FAM83F: variants seen among roughly 807,000 people sequenced by gnomAD.
FAM83F encodes the protein protein FAM83F.
A neutral mutation model predicts 42.9 loss-of-function variants in FAM83F; 45 were observed. The observed-to-expected ratio is 1.05, with a 90% confidence interval of 0.83 to 1.35. FAM83F has a LOEUF of 1.35. Among genes scored for constraint, FAM83F ranks in the 40% most tolerant of loss-of-function variants. The probability of loss-of-function intolerance (pLI) is 0.00; values close to 1 mark genes in which losing one functional copy is unlikely to be tolerated. For synonymous variants in FAM83F, 306 were observed against 298.3 expected, an observed-to-expected ratio of 1.03 and a Z score of -0.27; for missense variants, 617 against 695.9, an observed-to-expected ratio of 0.89 and a Z score of 1.28.
Position 40,021,566 on chromosome 22 carries a change from C to G in FAM83F, c.1056C>G (p.Gly352=), listed in dbSNP as rs763939183. The stretch of plus-strand genomic sequence containing the variant: ...CTGCCCGGCAACAGCGGGAGGCGGG[C>G]GGCAACCCGGAGGGGCAGGAGGAGG... The part of the protein sequence containing the change: ...RWAARQQREA[G]GNPEGQEEGA... The change falls in exon 4 of 5, where the codon GGC becomes GGG. Residue 352 remains glycine, a synonymous_variant. Coordinates refer to ENST00000333407, the MANE Select transcript of FAM83F (RefSeq NM_138435.4). This position sits in a 1 kb window ranked among gnomAD's most constrained non-coding sequence, Gnocchi z 8.7. The G allele has an allele frequency of 6.4e-7, 1 of 1,562,478 alleles. No individual in the cohort carries two copies. The highest frequency in any genetic ancestry group is 1.8e-5 in the Admixed American group (1 of 55,486).
rs770351704 is a variant in FAM83F at position 39,995,246 on chromosome 22, G to A, written c.204G>A (p.Arg68=). The part of the protein sequence containing the change: ...FLSSPERQAL[R]AAWSPYEDAV... ...CCAGCCCGGAGCGCCAGGCCCTGCG[G>A]GCCGCCTGGAGCCCCTACGAGGACG... is the stretch of plus-strand genomic sequence containing the variant. The change falls in exon 1 of 5, where the codon CGG becomes CGA. Residue 68 remains arginine, a synonymous_variant. Coordinates refer to ENST00000333407, the MANE Select transcript of FAM83F (RefSeq NM_138435.4). This position sits in a 1 kb window ranked among gnomAD's most constrained non-coding sequence, Gnocchi z 4.6. 1.3e-6 allele frequency: 2 copies of A among 1,534,558 alleles called. No individual in the cohort carries two copies. The highest frequency in any genetic ancestry group is 2.4e-5 in the South Asian group (2 of 83,858).
rs1422306105 is a variant in FAM83F, at chr22:40,035,587, T to G, written c.*6022T>G. 6.6e-6 allele frequency: 1 copy of G among 152,208 alleles called. No homozygotes were observed. The highest frequency in any genetic ancestry group is 1.5e-5 in the Non-Finnish European group (1 of 68,080). 9.4% of individuals were successfully genotyped at this position (152,208 alleles called of 1,614,324 possible). Reference sequence around the variant, plus strand: ...ATGGTGAGCGAGGAAGGCATGGTATTGAAGTGGTATGCCTGCATGACCTTG... The same window carrying G: ...ATGGTGAGCGAGGAAGGCATGGTATGGAAGTGGTATGCCTGCATGACCTTG... On this transcript the variant is annotated 3_prime_UTR_variant, in exon 5 of 5. Transcript: ENST00000333407.
intron 1 of FAM83F, among the ~76,000 whole-genome samples, chr22:40,016,102 T>C (rs915267407): frequency 1.3e-5 from 2 of 152,052 alleles, no homozygotes; most frequent in Admixed American, 6.6e-5. Flanking sequence ...AAGGATGAAA[T>C]CAGGAGAGGG....
rs956863125 is a variant in FAM83F at position 40,029,427 on chromosome 22, T to A, written c.1454-89T>A. 10 of 1,503,242 alleles carry A rather than the reference T, an allele frequency of 6.7e-6. No individual in the cohort carries two copies. In the African/African-American group the frequency reaches 1.4e-4, roughly 21 times the overall value. 93.1% of individuals were successfully genotyped at this position (1,503,242 alleles called of 1,614,324 possible). A position where few individuals can be genotyped will look rare whatever the true frequency, so the allele number is the denominator to read the frequency against. On this transcript the variant is annotated intron_variant, in intron 4 of 4. Transcript: ENST00000333407. The stretch of plus-strand genomic sequence containing the variant: ...GTGACCCCAGCCCCTCAACTGGAGA[T>A]GTGGACAGCACACAGGGTAGGAACT...
rs8137879 is a variant in FAM83F at position 39,999,360 on chromosome 22, C to T, written c.489+3829C>T. Among the ~76,000 whole-genome samples the T allele has an allele frequency of 3.9e-3, 595 of 152,208 alleles. 4 individuals carry two copies. The highest frequency in any genetic ancestry group is 0.014 in the African/African-American group (563 of 41,530). ...GGCATCCAATTTTGAGGCTGCTGGG[C>T]GGATTTAGAGAACGTTGCCTTGTGC... On this transcript the variant is annotated intron_variant, in intron 1 of 4. Transcript: ENST00000333407.
chr22:39,997,235 G>A (rs1180486907), intron 1 of FAM83F, among the ~76,000 whole-genome samples: 2 of 152,228 alleles, frequency 1.3e-5, no homozygotes, highest in African/African-American at 2.4e-5. Flanking sequence ...TAAGCAAGGG[G>A]TTTGAATGAA....
rs2067634160 is a variant in FAM83F, at chr22:40,037,858, C to CA, written c.*8294dup. On this transcript the variant is annotated 3_prime_UTR_variant, in exon 5 of 5. Transcript: ENST00000333407. The stretch of plus-strand genomic sequence containing the variant: ...TCAGCCTCCCAAGTAGCTGGGACTA[C>CA]AGGCATGCACCACCCTGCCCAGCTA... The CA allele has an allele frequency of 6.6e-6, 1 of 152,108 alleles. No individual in the cohort carries two copies. The highest frequency in any genetic ancestry group is 1.5e-5 in the Non-Finnish European group (1 of 68,108). The allele number at this position is 152,108 out of a possible 1,614,324, so 9.4% of individuals were successfully genotyped here.
At position 40,023,585 on chromosome 22, in the gene FAM83F, T is replaced by A. The variant is rs1248294879; in HGVS notation, c.1453+1622T>A. Among the ~76,000 whole-genome samples, 2 of 152,086 alleles carry A rather than the reference T, an allele frequency of 1.3e-5. No individual in the cohort carries two copies. The highest frequency in any genetic ancestry group is 2.9e-5 in the Non-Finnish European group (2 of 67,988). On this transcript the variant is annotated intron_variant, in intron 4 of 4. Transcript: ENST00000333407. This position sits in a 1 kb window ranked among gnomAD's most constrained non-coding sequence, Gnocchi z 4.1. The stretch of plus-strand genomic sequence containing the variant: ...AGTTTCCATGGAAACTCAAAGCCCA[T>A]TGTCTTGTCCCTTCCCGCTGCCTTC...
chr22:40,023,375 C>T lies in FAM83F; in HGVS notation c.1453+1412C>T, dbSNP rs1237768916. Among the ~76,000 whole-genome samples the T allele has an allele frequency of 2.0e-5, 3 of 151,648 alleles. No individual in the cohort carries two copies. The highest frequency in any genetic ancestry group is 7.3e-5 in the African/African-American group (3 of 41,188). On this transcript the variant is annotated intron_variant, in intron 4 of 4. Coordinates refer to ENST00000333407, the MANE Select transcript of FAM83F (RefSeq NM_138435.4). This position sits in a 1 kb window ranked among gnomAD's most constrained non-coding sequence, Gnocchi z 4.1. ...TGCTGCTGCTGCTGCTGCTCCTGCT[C>T]TGTACCTCTGGTTTGGAGGAAGGGT...
intron 3 of FAM83F, among the ~76,000 whole-genome samples, chr22:40,020,553 G>A (rs2067514177): frequency 6.6e-6 from 1 of 151,854 alleles, no homozygotes; most frequent in South Asian, 2.1e-4. Flanking sequence ...AGTAGAGAAG[G>A]GGTTTCACCA....
rs773695733 is a variant in FAM83F at position 39,995,247 on chromosome 22, G to A, written c.205G>A (p.Ala69Thr). 14 of 1,534,408 alleles carry A rather than the reference G, an allele frequency of 9.1e-6. 1 individual carries two copies. The South Asian group carries it at 1.7e-4, about 18-fold the overall frequency. The change falls in exon 1 of 5, where the codon GCC (alanine) becomes ACC (threonine). Residue 69 changes from alanine (A) to threonine (T), a missense_variant. By Grantham distance (58) the Ala-to-Thr change is moderately conservative (BLOSUM62 0). Coordinates refer to ENST00000333407, the MANE Select transcript of FAM83F (RefSeq NM_138435.4). The surrounding 1 kb of genome is among the most constrained non-coding windows in gnomAD (Gnocchi z 4.6). The stretch of plus-strand genomic sequence containing the variant: ...CAGCCCGGAGCGCCAGGCCCTGCGG[G>A]CCGCCTGGAGCCCCTACGAGGACGC... ...LSSPERQALR[A>T]AWSPYEDAVP...
Position 40,041,728 on chromosome 22 carries a change from C to T in FAM83F, c.*12163C>T, listed in dbSNP as rs1797665745. On this transcript the variant is annotated 3_prime_UTR_variant, in exon 5 of 5. Coordinates refer to ENST00000333407, the MANE Select transcript of FAM83F (RefSeq NM_138435.4). ...GAAGAAACTCATTTGTGGGTCTGTT[C>T]ATAAAAGAGTCTGGGAAGATAGTCT... 1 of 152,142 alleles carries T rather than the reference C, an allele frequency of 6.6e-6. No homozygotes were observed. The highest frequency in any genetic ancestry group is 1.5e-5 in the Non-Finnish European group (1 of 68,036). The allele number at this position is 152,142 out of a possible 1,614,324, so 9.4% of individuals were successfully genotyped here.
intron 2 of FAM83F, among the ~76,000 whole-genome samples, chr22:40,019,560 G>T (rs888931846): frequency 2.0e-5 from 3 of 152,222 alleles, no homozygotes; most frequent in East Asian, 3.8e-4. Flanking sequence ...TGCTGAGACT[G>T]AAGGAGGGAG....
chr22:40,017,937 AG>A (rs2067500591), intron 1 of FAM83F, among the ~76,000 whole-genome samples: 1 of 152,224 alleles, frequency 6.6e-6, no homozygotes, highest in Non-Finnish European at 1.5e-5. Flanking sequence ...CTCCGACCCC[AG>A]AGCCGAGGAC....
chr22:40,040,009 G>C lies in FAM83F; in HGVS notation c.*10444G>C, dbSNP rs1022936893. 1 of 152,242 alleles carries C rather than the reference G, an allele frequency of 6.6e-6. No individual in the cohort carries two copies. Among genetic ancestry groups the C allele is most frequent in the African/African-American group, 2.4e-5 (1 of 41,452 alleles). 9.4% of individuals were successfully genotyped at this position (152,242 alleles called of 1,614,324 possible). A position where few individuals can be genotyped will look rare whatever the true frequency, so the allele number is the denominator to read the frequency against. On this transcript the variant is annotated 3_prime_UTR_variant, in exon 5 of 5. Coordinates refer to ENST00000333407, the MANE Select transcript of FAM83F (RefSeq NM_138435.4). ...AAAGCTAGGATAAGAAAATAGAGAA[G>C]AAAGGGAAGGAAGCTATTTGAAGGG... is the stretch of plus-strand genomic sequence containing the variant.
chr22:40,031,678 A>C lies in FAM83F; in HGVS notation c.*2113A>C, dbSNP rs1315704810. 1 of 152,174 alleles carries C rather than the reference A, an allele frequency of 6.6e-6. No homozygotes were observed. Among genetic ancestry groups the C allele is most frequent in the Non-Finnish European group, 1.5e-5 (1 of 68,040 alleles). 9.4% of individuals were successfully genotyped at this position (152,174 alleles called of 1,614,324 possible). A position where few individuals can be genotyped will look rare whatever the true frequency, so the allele number is the denominator to read the frequency against. On this transcript the variant is annotated 3_prime_UTR_variant, in exon 5 of 5. Transcript: ENST00000333407. ...AATGATGGGGAGACCATATGTTAGG[A>C]AGCAAGTTGGCATAGTGGGAAGAGG...
At chr22:40,014,072 T>C (rs1329654905) in intron 1 of FAM83F, among the ~76,000 whole-genome samples, 1 of 151,864 alleles carries the variant, frequency 6.6e-6, no homozygotes, top group East Asian at 1.9e-4. Flanking sequence ...CTATGAAAAT[T>C]GTATTCTTAA....
rs572377581 is a variant in FAM83F at position 40,032,739 on chromosome 22, T to G, written c.*3174T>G. The G allele has an allele frequency of 1.3e-5, 2 of 152,098 alleles. No homozygotes were observed. Among genetic ancestry groups the G allele is most frequent in the East Asian group, 1.9e-4 (1 of 5,150 alleles). 9.4% of individuals were successfully genotyped at this position (152,098 alleles called of 1,614,324 possible). A position where few individuals can be genotyped will look rare whatever the true frequency, so the allele number is the denominator to read the frequency against. On this transcript the variant is annotated 3_prime_UTR_variant, in exon 5 of 5. Coordinates refer to ENST00000333407, the MANE Select transcript of FAM83F (RefSeq NM_138435.4). Reference sequence around the variant, plus strand: ...GCCCACCACCATGCCTGGCTAATTTTTTTATATTTTTATTAGAGACAGGGT... The same window carrying G: ...GCCCACCACCATGCCTGGCTAATTTGTTTATATTTTTATTAGAGACAGGGT...
intron 1 of FAM83F, among the ~76,000 whole-genome samples, chr22:40,012,917 C>CAAA (rs141904019): frequency 9.1e-6 from 1 of 109,676 alleles, no homozygotes; most frequent in African/African-American, 3.4e-5. Context: ...ACTAAAAATA[C>CAAA]AAAAAAAAAA....
Sources: allele counts gnomAD v4.1 joint callset (sites outside exome capture counted in the v4.1 genomes callset), GRCh38; gene constraint gnomAD v4.1.1; non-coding constraint Gnocchi (gnomAD v3.1); transcripts MANE v1.5; gene names NCBI Gene and HGNC (gene_info 2026-07-23, HGNC 2026-07-21).